The following PDE1C variants were observed in gnomAD, a reference collection of about 807,000 sequenced individuals.
The protein encoded by PDE1C is dual specificity calcium/calmodulin-dependent 3',5'-cyclic nucleotide phosphodiesterase 1C.
PDE1C carries 62 observed loss-of-function variants against 93.1 expected under a neutral mutation model. That is an observed-to-expected ratio of 0.67 (90% CI 0.54 to 0.82). PDE1C has a LOEUF of 0.82. Ranked by LOEUF, PDE1C falls within the 40% of genes least tolerant of loss-of-function variation. The pLI is 0.00. For missense variants in PDE1C, 742 were observed against 884.6 expected (o/e 0.84, Z 2.04); for synonymous variants, 325 against 310.1 (o/e 1.05, Z -0.50).
chr7:31,753,625 A>C (rs1335291434), intron 17 of PDE1C, 72 bp from the exon 18 acceptor site: 39 of 1,520,798 alleles, frequency 2.6e-5, no homozygotes, highest in Non-Finnish European at 3.3e-5. Flanking sequence ...AAATATTGTG[A>C]GCAACTTCCT....
At chr7:32,122,582 A>G (rs1209881497) in intron 3 of PDE1C, among the ~76,000 whole-genome samples, 1 of 152,222 alleles carries the variant, frequency 6.6e-6, no homozygotes, top group Non-Finnish European at 1.5e-5. Flanking sequence ...ACACAATTAC[A>G]TGGAAATTGA....
intron 16 of PDE1C, among the ~76,000 whole-genome samples, chr7:31,803,399 T>TTA (rs372230970): frequency 0.14 from 21,261 of 150,114 alleles, 1,572 homozygotes; most frequent in South Asian, 0.17. Flanking sequence ...GCTTTTTCTT[T>TTA]TTATTATTAT....
chr7:31,706,042 T>C, the PDE1C span, among the ~76,000 whole-genome samples: 4 of 136,992 alleles, frequency 2.9e-5, no homozygotes, highest in African/African-American at 1.1e-4. Flanking sequence ...TCTTGCTCTG[T>C]TGCCCAGGCT....
At chr7:31,747,605 T>C (rs926629072), downstream of PDE1C, among the ~76,000 whole-genome samples, 3 of 152,168 alleles carry the variant, frequency 2.0e-5, no homozygotes, top group Admixed American at 2.0e-4. Context: ...AAGGCTGGCC[T>C]ACACTGGAGA....
At chr7:31,997,497 T>C (rs573904033) in intron 2 of PDE1C, among the ~76,000 whole-genome samples, 6 of 152,302 alleles carry the variant, frequency 3.9e-5, no homozygotes, top group Admixed American at 6.5e-5. Flanking sequence ...TCTGAATAAA[T>C]TGCCAGTTAG....
chr7:32,010,987 A>G (rs546194580), intron 2 of PDE1C, among the ~76,000 whole-genome samples: 25 of 152,306 alleles, frequency 1.6e-4, no homozygotes, highest in African/African-American at 5.3e-4. Flanking sequence ...AACCCATAAC[A>G]GACATCAAAA....
chr7:32,257,127 A>G (rs770525575), intron 1 of PDE1C, among the ~76,000 whole-genome samples: 22 of 152,218 alleles, frequency 1.4e-4, no homozygotes, highest in Non-Finnish European at 2.2e-4. Context: ...CCAAAGTTTG[A>G]TGATTAGTGA....
At chr7:32,081,690 T>G (rs1035869512) in intron 3 of PDE1C, among the ~76,000 whole-genome samples, 1 of 152,218 alleles carries the variant, frequency 6.6e-6, no homozygotes, top group Admixed American at 6.5e-5. Context: ...GTGGAATTAG[T>G]TGGTTAAGAG....
chr7:32,408,343 C>T (rs1785099281), intron 1 of PDE1C, among the ~76,000 whole-genome samples: 1 of 152,122 alleles, frequency 6.6e-6, no homozygotes, highest in South Asian at 2.1e-4. Flanking sequence ...TGAGTGCAGG[C>T]AACCACACAC....
At chr7:31,846,961 T>C (rs967242953) in intron 9 of PDE1C, among the ~76,000 whole-genome samples, 13 of 152,130 alleles carry the variant, frequency 8.5e-5, no homozygotes, top group African/African-American at 3.1e-4. Flanking sequence ...TAAAGTTCAT[T>C]TCTCTAAATC....
intron 1 of PDE1C, among the ~76,000 whole-genome samples, chr7:32,297,986 T>TC (rs1562659992): frequency 7.1e-5 from 4 of 56,092 alleles, no homozygotes; most frequent in Non-Finnish European, 1.5e-4. Context: ...TCTCTCTCTC[T>TC]CTCTCTCTCT....
intron 17 of PDE1C, among the ~76,000 whole-genome samples, chr7:31,764,860 C>T (rs1291719473): frequency 2.0e-5 from 3 of 152,190 alleles, no homozygotes; most frequent in Admixed American, 2.0e-4. Flanking sequence ...ATTCAGTAAC[C>T]TTCATAAATC....
intron 2 of PDE1C, among the ~76,000 whole-genome samples, chr7:32,035,122 C>T (rs751770579): frequency 2.6e-5 from 4 of 152,072 alleles, no homozygotes; most frequent in Non-Finnish European, 5.9e-5. Context: ...GAAATCCAAC[C>T]CAAAGGACAT....
chr7:31,645,768 T>C, the PDE1C span, among the ~76,000 whole-genome samples: 1 of 152,114 alleles, frequency 6.6e-6, no homozygotes, highest in African/African-American at 2.4e-5. Flanking sequence ...AGGGGGGTGG[T>C]TGCTACTGGC....
rs145183804 is a variant in PDE1C, at chr7:31,826,334, T to C, written c.1286-1347A>G. Among the ~76,000 whole-genome samples, 4 of 152,314 alleles carry C rather than the reference T, an allele frequency of 2.6e-5. No homozygotes were observed. The East Asian group carries it at 7.7e-4, about 29-fold the overall frequency. On this transcript the variant is annotated intron_variant, in intron 12 of 17. Coordinates refer to ENST00000396191, the MANE Select transcript of PDE1C (RefSeq NM_001191057.4). The stretch of plus-strand genomic sequence containing the variant: ...CAAAACAAGAATTGTCTCAACCAAA[T>C]ACCAATAGTATCGTGATTGATAAGG...
chr7:32,196,173 A>C (rs1171988781), intron 2 of PDE1C, among the ~76,000 whole-genome samples: 3 of 152,328 alleles, frequency 2.0e-5, no homozygotes, highest in Non-Finnish European at 4.4e-5. Flanking sequence ...ATGCCATGCC[A>C]GCAAGGGTGT....
At chr7:31,741,848 C>A in the PDE1C span, among the ~76,000 whole-genome samples, 1 of 152,200 alleles carries the variant, frequency 6.6e-6, no homozygotes, top group African/African-American at 2.4e-5. Context: ...GGGAGGGAGG[C>A]AGGGACCAGG....
intron 17 of PDE1C, among the ~76,000 whole-genome samples, chr7:31,774,142 G>GA (rs11302614): frequency 3.3e-5 from 5 of 151,144 alleles, no homozygotes; most frequent in South Asian, 2.1e-4. Context: ...GTACAACCAA[G>GA]AAAAAAAAAT....
At chr7:31,815,832 G>T in intron 15 of PDE1C, 92 bp downstream of exon 15, 1 of 946,894 alleles carries the variant, frequency 1.1e-6, no homozygotes, top group Non-Finnish European at 1.7e-6. Context: ...TGCCCTGTGA[G>T]CTGACCCCAT....
Sources: gnomAD v4.1 joint callset for allele counts (sites outside exome capture counted in the v4.1 genomes callset) on GRCh38, gnomAD v4.1.1 for gene constraint, MANE v1.5 for transcripts, NCBI Gene and HGNC (gene_info 2026-07-23, HGNC 2026-07-21) for gene names.